STK24: variants seen among roughly 807,000 people sequenced by gnomAD.
STK24 encodes serine/threonine-protein kinase 24.
STK24 carries 21 observed loss-of-function variants against 55.6 expected under a neutral mutation model. The observed-to-expected ratio is 0.38, with a 90% CI of 0.27 to 0.54. The LOEUF is 0.54. STK24 is among the 20% of genes least tolerant of loss of function. STK24 has a pLI of 0.79. For missense variants in STK24, 383 were observed against 538.4 expected, an observed-to-expected ratio of 0.71 and a Z score of 2.86; for synonymous variants, 200 against 215.2, an observed-to-expected ratio of 0.93 and a Z score of 0.62.
In STK24 at chr13:98,474,841, G is replaced by GT. The variant is rs1164498520; in HGVS notation, c.576dup (p.Gln193ThrfsTer5). The GT allele has an allele frequency of 6.2e-7, 1 of 1,613,314 alleles. No homozygotes were observed. The highest frequency in any genetic ancestry group is 1.3e-5 in the African/African-American group (1 of 75,028). On this transcript the variant is annotated frameshift_variant, in exon 5 of 11. Coordinates refer to ENST00000539966, the MANE Select transcript of STK24 (RefSeq NM_001032296.4). LOFTEE classifies it high-confidence loss of function. ...CTCACCTTCGAGTCATAGGCCGACT[G>GT]TTTGATGACCTCGGGTGCCATCCAG...
chr13:98,538,197 AG>A (rs1291509794), intron 1 of STK24, among the ~76,000 whole-genome samples: 3 of 132,844 alleles, frequency 2.3e-5, no homozygotes, highest in Non-Finnish European at 4.9e-5. Context: ...TCCATCGGCT[AG>A]GTCAATCACT....
Position 98,474,809 on chromosome 13 carries a change from C to A in STK24, c.597+12G>T. On this transcript the variant is annotated intron_variant, in intron 5 of 10. Transcript: ENST00000539966. Reference sequence around the variant, plus strand: ...CTCGTGAGGCACGGCGCCGCCCTCACCCTCCCCTCACCTTCGAGTCATAGG... The same window carrying A: ...CTCGTGAGGCACGGCGCCGCCCTCAACCTCCCCTCACCTTCGAGTCATAGG... 1.2e-6 allele frequency: 2 copies of A among 1,604,346 alleles called. No homozygotes were observed. The highest frequency in any genetic ancestry group is 1.1e-5 in the South Asian group (1 of 89,600).
chr13:98,542,774 A>G, intron 1 of STK24: 1 of 949,342 alleles, frequency 1.1e-6, no homozygotes, highest in South Asian at 4.8e-5. Context: ...CTGATGGTGC[A>G]ATCTACTTTC....
chr13:98,577,065 C>T lies in STK24; in HGVS notation c.-279G>A, dbSNP rs1334971018. The T allele has an allele frequency of 2.0e-5, 3 of 146,732 alleles. No homozygotes were observed. Among genetic ancestry groups the T allele is most frequent in the African/African-American group, 4.9e-5 (2 of 40,742 alleles). The allele number at this position is 146,732 out of a possible 1,614,324, so 9.1% of individuals were successfully genotyped here. A position where few individuals can be genotyped will look rare whatever the true frequency, so the allele number is the denominator to read the frequency against. On this transcript the variant is annotated 5_prime_UTR_variant, in exon 1 of 11. Transcript: ENST00000539966. The surrounding 1 kb of genome is among the most constrained non-coding windows in gnomAD (Gnocchi z 4.1). ...GCTGCCGCTACTGCTGGGCTGGAGC[C>T]GGGCGGCCTGGGCCCGCGCGCGCTG...
chr13:98,517,562 G>A (rs1261353638), intron 2 of STK24, among the ~76,000 whole-genome samples: 34 of 152,120 alleles, frequency 2.2e-4, no homozygotes, highest in Admixed American at 6.6e-5. Flanking sequence ...CCCGGGAGGC[G>A]GAGGGGGCAG....
chr13:98,455,317 C>G (rs1225648384), intron 10 of STK24: 1 of 152,176 alleles, frequency 6.6e-6, no homozygotes, highest in African/African-American at 2.4e-5. Flanking sequence ...TGATCACAGC[C>G]ATAGCCGCGA....
intron 2 of STK24, among the ~76,000 whole-genome samples, chr13:98,509,854 C>T (rs1253108612): frequency 7.2e-5 from 11 of 152,136 alleles, no homozygotes; most frequent in African/African-American, 1.9e-4. Context: ...CTGTCGCTCT[C>T]TCTCTCTGCC....
chr13:98,464,182 C>T (rs984998492), intron 6 of STK24, among the ~76,000 whole-genome samples: 2 of 152,072 alleles, frequency 1.3e-5, no homozygotes, highest in African/African-American at 4.8e-5. Flanking sequence ...CTTTCGGAGG[C>T]CGAGGCGGGC....
In STK24 at chr13:98,448,238, G is replaced by A. The variant is rs1892984333; in HGVS notation, c.*4935C>T. On this transcript the variant is annotated 3_prime_UTR_variant, in exon 11 of 11. Coordinates refer to ENST00000539966, the MANE Select transcript of STK24 (RefSeq NM_001032296.4). Reference sequence around the variant, plus strand: ...TAACTGGCGTTCCCGTGTTGCAGGTGGATGGAAGTGATCCGCAGTGCCACC... The same window carrying A: ...TAACTGGCGTTCCCGTGTTGCAGGTAGATGGAAGTGATCCGCAGTGCCACC... 6.2e-7 allele frequency: 1 copy of A among 1,613,486 alleles called. No individual in the cohort carries two copies. Among genetic ancestry groups the A allele is most frequent in the Admixed American group, 1.7e-5 (1 of 60,012 alleles).
chr13:98,481,925 G>C (rs1218640784), intron 3 of STK24, among the ~76,000 whole-genome samples: 1 of 152,040 alleles, frequency 6.6e-6, no homozygotes, highest in Non-Finnish European at 1.5e-5. Context: ...AAATTGGCCA[G>C]GTGTGGTGGC....
At chr13:98,458,459 G>A (rs547080046) in intron 9 of STK24, among the ~76,000 whole-genome samples, 7 of 152,302 alleles carry the variant, frequency 4.6e-5, no homozygotes, top group South Asian at 2.1e-4. Flanking sequence ...GCTACTGAAG[G>A]GGCAGGCAGG....
chr13:98,530,760 G>A (rs1260101763), intron 1 of STK24, among the ~76,000 whole-genome samples: 5 of 152,164 alleles, frequency 3.3e-5, no homozygotes, highest in East Asian at 1.9e-4. Flanking sequence ...CAAACCTGCC[G>A]GCAACGTGGT....
intron 1 of STK24, chr13:98,521,781 C>T (rs1472525987): frequency 1.3e-6 from 1 of 780,990 alleles, no homozygotes; most frequent in African/African-American, 1.7e-5. Context: ...TTACCGTGCT[C>T]CCTCCAGGAT....
In STK24 at chr13:98,492,577, C is replaced by A. The variant is rs1026811200; in HGVS notation, c.274-10256G>T. Among the ~76,000 whole-genome samples, 5 of 152,334 alleles carry A rather than the reference C, an allele frequency of 3.3e-5. No individual in the cohort carries two copies. In the East Asian group the frequency reaches 9.6e-4, roughly 29 times the overall value. On this transcript the variant is annotated intron_variant, in intron 2 of 10. Coordinates refer to ENST00000539966, the MANE Select transcript of STK24 (RefSeq NM_001032296.4). ...GGCAGGATGCAGGCTTTTCAAGAGG[C>A]TTGAGCTGGGAAAGCAGGAAAGCCT...
At chr13:98,569,737 C>T (rs1402571906) in intron 1 of STK24, among the ~76,000 whole-genome samples, 2 of 151,814 alleles carry the variant, frequency 1.3e-5, no homozygotes, top group Admixed American at 1.3e-4. Flanking sequence ...ACTGACATTA[C>T]AACATCTCTC....
At chr13:98,503,252 T>C (rs1594618440) in intron 2 of STK24, among the ~76,000 whole-genome samples, 1 of 152,168 alleles carries the variant, frequency 6.6e-6, no homozygotes, top group East Asian at 1.9e-4. Context: ...CACTCAAAGA[T>C]GGCTGCAGAA....
At chr13:98,558,727 T>C (rs1340340150) in intron 1 of STK24, among the ~76,000 whole-genome samples, 1 of 152,178 alleles carries the variant, frequency 6.6e-6, no homozygotes, top group African/African-American at 2.4e-5. Context: ...TGCAGGCGAC[T>C]AACCAACAAA....
chr13:98,568,951 ACACAGAAAATGGAAGGGGGGAGGGGAAT>A (rs1897662548), intron 1 of STK24, among the ~76,000 whole-genome samples: 1 of 152,246 alleles, frequency 6.6e-6, no homozygotes, highest in Non-Finnish European at 1.5e-5. Context: ...GAAAGAAAGA[ACACAGAAAATGGAAGGGGGGAGGGGAAT>A]CAAAGAAAAA....
At chr13:98,479,199 A>C (rs984300704) in intron 3 of STK24, among the ~76,000 whole-genome samples, 2 of 152,234 alleles carry the variant, frequency 1.3e-5, no homozygotes, top group Non-Finnish European at 2.9e-5. Flanking sequence ...AACTTGAGAG[A>C]TGACTGACTT....
Sources: gnomAD v4.1 joint callset for allele counts (sites outside exome capture counted in the v4.1 genomes callset) on GRCh38, gnomAD v4.1.1 for gene constraint, Gnocchi (gnomAD v3.1) non-coding constraint, MANE v1.5 for transcripts, NCBI Gene and HGNC (gene_info 2026-07-23, HGNC 2026-07-21) for gene names.